The following EXPH5 variants were observed in gnomAD, a reference collection of about 807,000 sequenced individuals.
EXPH5 encodes the protein exophilin-5.
Under a neutral mutation model 41.1 loss-of-function variants are expected in EXPH5, and 42 were observed. The ratio of observed to expected loss-of-function variants is 1.02; its 90% CI spans 0.80 to 1.32. The LOEUF (loss-of-function observed/expected upper bound fraction) is 1.32. EXPH5 is among the 40% of genes most tolerant of loss of function. The probability of loss-of-function intolerance (pLI) is 0.00; values close to 1 mark genes in which losing one functional copy is unlikely to be tolerated. For synonymous variants in EXPH5, 798 were observed against 833.5 expected (o/e 0.96, Z 0.73); for missense variants, 2,298 against 2,314.5 (o/e 0.99, Z 0.15).
At chr11:108,587,352 T>A (rs75838568) in intron 1 of EXPH5, among the ~76,000 whole-genome samples, 6,054 of 152,328 alleles carry the variant, frequency 0.04, 125 homozygotes, top group Middle Eastern at 0.051. Flanking sequence ...CTGACTAACC[T>A]TCACCTGACT....
chr11:108,585,122 T>C (rs2094109549), intron 1 of EXPH5, among the ~76,000 whole-genome samples: 1 of 152,108 alleles, frequency 6.6e-6, no homozygotes, highest in South Asian at 2.1e-4. Flanking sequence ...AAAGAGAATA[T>C]ATGGAAGGCA....
intron 1 of EXPH5, among the ~76,000 whole-genome samples, chr11:108,544,074 C>T (rs1426657687): frequency 3.3e-5 from 5 of 152,198 alleles, no homozygotes; most frequent in African/African-American, 4.8e-5. Flanking sequence ...CTGAAAACAT[C>T]GGTCTCATTT....
chr11:108,556,144 A>G (rs2093988749), intron 1 of EXPH5, among the ~76,000 whole-genome samples: 1 of 152,250 alleles, frequency 6.6e-6, no homozygotes, highest in Non-Finnish European at 1.5e-5. Context: ...GAGCAGGAAC[A>G]ATAAAGCAGC....
At chr11:108,578,263 G>A (rs983403584) in intron 1 of EXPH5, among the ~76,000 whole-genome samples, 3 of 152,144 alleles carry the variant, frequency 2.0e-5, no homozygotes, top group Admixed American at 2.0e-4. Context: ...TGGATATTCA[G>A]TTTTCCCAGC....
At chr11:108,603,401 T>C in the EXPH5 span, among the ~76,000 whole-genome samples, 296 of 152,324 alleles carry the variant, frequency 1.9e-3, 2 homozygotes, top group Non-Finnish European at 2.7e-3. Context: ...TAAATCATAT[T>C]TCACACCAGT....
intron 3 of EXPH5, among the ~76,000 whole-genome samples, chr11:108,529,361 C>T (rs1197310056): frequency 1.3e-5 from 2 of 151,918 alleles, no homozygotes; most frequent in African/African-American, 2.4e-5. Context: ...GAGACAGGAT[C>T]TCACTCTGAC....
intron 4 of EXPH5, among the ~76,000 whole-genome samples, chr11:108,519,950 CAAAAAAAAAAAAA>C (rs71050861): frequency 4.8e-5 from 3 of 62,064 alleles, no homozygotes; most frequent in African/African-American, 6.7e-5. Flanking sequence ...GACTCTGTCT[CAAAAAAAAAAAAA>C]AAAAAAAAAA....
At chr11:108,570,981 G>C (rs1215811571) in intron 1 of EXPH5, among the ~76,000 whole-genome samples, 1 of 152,194 alleles carries the variant, frequency 6.6e-6, no homozygotes, top group East Asian at 1.9e-4. Context: ...ATTGTTTTGT[G>C]ACTGTGAACT....
rs375176664 is a variant in EXPH5 at position 108,512,052 on chromosome 11, A to G, written c.3455T>C (p.Leu1152Pro). The change falls in exon 6 of 6, where the codon CTA (leucine) becomes CCA (proline). Residue 1152 changes from leucine (L) to proline (P), a missense_variant. Coordinates refer to ENST00000265843, the MANE Select transcript of EXPH5 (RefSeq NM_015065.3). ...PLTSGMDASE[L>P]TPRAWERIIS... is the part of the protein sequence containing the mutation. Reference sequence around the variant, plus strand: ...GATTCTCTCCCAAGCCCTTGGTGTTAGCTCAGAAGCATCCATGCCTGAGGT... The same window carrying G: ...GATTCTCTCCCAAGCCCTTGGTGTTGGCTCAGAAGCATCCATGCCTGAGGT... 26 of 1,602,050 alleles carry G rather than the reference A, an allele frequency of 1.6e-5. No homozygotes were observed. Among genetic ancestry groups the G allele is most frequent in the Non-Finnish European group, 2.1e-5 (25 of 1,176,248 alleles).
chr11:108,514,843 C>T lies in EXPH5; in HGVS notation c.664G>A (p.Glu222Lys). ...LDDLDSKLAQEQSASSVNTRT... is the reference protein window; with the variant it reads ...LDDLDSKLAQKQSASSVNTRT... The stretch of plus-strand genomic sequence containing the variant: ...GTATTCACTGAGCTTGCAGACTGTT[C>T]CTGAGCCAATTTGCTATCCAAGTCA... The change falls in exon 6 of 6, where the codon GAA becomes AAA. Residue 222 changes from glutamate (E) to lysine (K), a missense_variant. Glu to Lys is a moderately conservative substitution (Grantham distance 56). Coordinates refer to ENST00000265843, the MANE Select transcript of EXPH5 (RefSeq NM_015065.3). The T allele has an allele frequency of 6.7e-7, 1 of 1,495,896 alleles. No individual in the cohort carries two copies. Among genetic ancestry groups the T allele is most frequent in the South Asian group, 1.5e-5 (1 of 67,102 alleles). The allele number at this position is 1,495,896 out of a possible 1,614,324, so 92.7% of individuals were successfully genotyped here. A position where few individuals can be genotyped will look rare whatever the true frequency, so the allele number is the denominator to read the frequency against.
At chr11:108,563,564 C>T (rs2094021930) in intron 1 of EXPH5, among the ~76,000 whole-genome samples, 1 of 152,148 alleles carries the variant, frequency 6.6e-6, no homozygotes, top group Non-Finnish European at 1.5e-5. Context: ...TCTCAGCAAA[C>T]CCCAGACGAG....
At chr11:108,577,471 T>C (rs535575052) in intron 1 of EXPH5, among the ~76,000 whole-genome samples, 26 of 152,150 alleles carry the variant, frequency 1.7e-4, no homozygotes, top group Non-Finnish European at 3.2e-4. Context: ...TTGCCCAGGC[T>C]GGAGTGCAAT....
At chr11:108,546,399 A>G (rs2093938417) in intron 1 of EXPH5, among the ~76,000 whole-genome samples, 1 of 152,146 alleles carries the variant, frequency 6.6e-6, no homozygotes, top group South Asian at 2.1e-4. Context: ...TTGCTGGACC[A>G]GGATGGTAGT....
chr11:108,603,287 T>C, the EXPH5 span, among the ~76,000 whole-genome samples: 2 of 152,212 alleles, frequency 1.3e-5, no homozygotes, highest in African/African-American at 4.8e-5. Context: ...TAGATAGAGG[T>C]GCTAGTTGTA....
intron 1 of EXPH5, among the ~76,000 whole-genome samples, chr11:108,569,924 A>G (rs2094052584): frequency 6.6e-6 from 1 of 152,222 alleles, no homozygotes; most frequent in South Asian, 2.1e-4. Context: ...AACTGCCTCA[A>G]TGCTGCAAAT....
At chr11:108,606,271 C>T in the EXPH5 span, among the ~76,000 whole-genome samples, 1 of 152,190 alleles carries the variant, frequency 6.6e-6, no homozygotes, top group Non-Finnish European at 1.5e-5. Flanking sequence ...TTAAATCCCC[C>T]ACACCAGTCC....
chr11:108,573,777 T>A (rs1388809569), intron 1 of EXPH5, among the ~76,000 whole-genome samples: 2 of 152,240 alleles, frequency 1.3e-5, no homozygotes, highest in African/African-American at 4.8e-5. Flanking sequence ...AATCTCTAGA[T>A]GAGAAGAGTA....
At chr11:108,565,499 G>T (rs1045884474) in intron 1 of EXPH5, among the ~76,000 whole-genome samples, 4 of 152,100 alleles carry the variant, frequency 2.6e-5, no homozygotes, top group African/African-American at 9.7e-5. Flanking sequence ...CAAGTTGCAC[G>T]ATCACTACAA....
At chr11:108,520,046 AC>A (rs2093755300) in intron 4 of EXPH5, among the ~76,000 whole-genome samples, 1 of 151,362 alleles carries the variant, frequency 6.6e-6, no homozygotes, top group Non-Finnish European at 1.5e-5. Flanking sequence ...GGGGTCCCTG[AC>A]CCCTGGGCCA....
Sources: allele counts gnomAD v4.1 joint callset (sites outside exome capture counted in the v4.1 genomes callset), GRCh38; gene constraint gnomAD v4.1.1; transcripts MANE v1.5; gene names NCBI Gene and HGNC (gene_info 2026-07-23, HGNC 2026-07-21).